MIA2: variants seen among roughly 807,000 people sequenced by gnomAD.
The protein encoded by MIA2 is melanoma inhibitory activity protein 2.
In MIA2, 127 loss-of-function variants were observed where a neutral mutation model predicts 167.8. That is an observed-to-expected ratio of 0.76 (90% CI 0.66 to 0.88). MIA2 has a LOEUF of 0.88. Ranked by LOEUF, MIA2 falls within the 40% of genes least tolerant of loss-of-function variation. The probability of loss-of-function intolerance (pLI) is 0.00; values close to 1 mark genes in which losing one functional copy is unlikely to be tolerated. For synonymous variants in MIA2, 552 were observed against 541.9 expected (o/e 1.02, Z -0.26); for missense variants, 1,690 against 1,624.7 (o/e 1.04, Z -0.69).
At chr14:39,264,248 C>T (rs140920268) in intron 6 of MIA2, among the ~76,000 whole-genome samples, 310 of 152,304 alleles carry the variant, frequency 2.0e-3, no homozygotes, top group African/African-American at 7.1e-3. Context: ...TGGCCTCCAT[C>T]TGCATCCACG....
intron 6 of MIA2, among the ~76,000 whole-genome samples, chr14:39,257,530 T>C (rs969936783): frequency 1.4e-4 from 11 of 80,398 alleles, no homozygotes; most frequent in African/African-American, 5.0e-4. Context: ...GTCTTGACTC[T>C]TTATCCAATT....
chr14:39,356,232 C>G (rs1042345926), downstream of MIA2, among the ~76,000 whole-genome samples: 1 of 152,090 alleles, frequency 6.6e-6, no homozygotes, highest in Admixed American at 6.5e-5. Context: ...AGTTTCAGAG[C>G]CTGTTATTGG....
Position 39,267,288 on chromosome 14 carries a change from C to T in MIA2, c.1888-9646C>T, listed in dbSNP as rs962267847. ...GGATGGGCAGCGTAGGCCTGTGAGG[C>T]CTGCGGGTGCCCCTGTCCCCCAGCT... On this transcript the variant is annotated intron_variant, in intron 6 of 28. Transcript: ENST00000640607. 7 of 1,456,104 alleles carry T rather than the reference C, an allele frequency of 4.8e-6. No homozygotes were observed. The African/African-American group carries it at 5.7e-5, about 12-fold the overall frequency. 90.2% of individuals were successfully genotyped at this position (1,456,104 alleles called of 1,614,324 possible).
Position 39,372,154 on chromosome 14 carries a change from G to C in MIA2, c.2249-14731G>C, listed in dbSNP as rs1199317714. Among the ~76,000 whole-genome samples the C allele has an allele frequency of 7.4e-5, 11 of 149,390 alleles. 2 individuals are homozygous for C. The East Asian group carries it at 1.7e-3, about 24-fold the overall frequency. The stretch of plus-strand genomic sequence containing the variant: ...AATTTCTTATAAGTAGAGGGATTCT[G>C]TTATAAGAATGGAGTACTGTGTAGG... On this transcript the variant is annotated intron_variant, in intron 23 of 23. Transcript: ENST00000341502.
At chr14:39,257,820 C>T (rs988472935) in intron 6 of MIA2, among the ~76,000 whole-genome samples, 7 of 152,146 alleles carry the variant, frequency 4.6e-5, no homozygotes, top group African/African-American at 1.7e-4. Context: ...CTGTAAAGGA[C>T]TTTATTTCTC....
chr14:39,345,006 G>A (rs1483675962), intron 25 of MIA2, among the ~76,000 whole-genome samples: 2 of 152,096 alleles, frequency 1.3e-5, no homozygotes, highest in African/African-American at 2.4e-5. Context: ...GATGTTCTTC[G>A]TTTCAGCAGT....
chr14:39,362,656 A>G (rs1301566209), intron 23 of MIA2, among the ~76,000 whole-genome samples: 1 of 151,500 alleles, frequency 6.6e-6, no homozygotes, highest in African/African-American at 2.4e-5. Context: ...TAATCTTTGT[A>G]TTGTTTTTCT....
At chr14:39,243,707 A>G (rs1481236244) in intron 3 of MIA2, among the ~76,000 whole-genome samples, 1 of 152,140 alleles carries the variant, frequency 6.6e-6, no homozygotes, top group African/African-American at 2.4e-5. Flanking sequence ...CTTTACTAAG[A>G]ATACAAAAAT....
intron 23 of MIA2, among the ~76,000 whole-genome samples, chr14:39,378,768 TTA>T (rs1567060883): frequency 1.3e-5 from 2 of 152,216 alleles, no homozygotes; most frequent in Non-Finnish European, 2.9e-5. Flanking sequence ...TATGAATTTA[TTA>T]TACCAAACAA....
At chr14:39,267,584 A>T in intron 6 of MIA2, 1 of 1,592,718 alleles carries the variant, frequency 6.3e-7, no homozygotes, top group South Asian at 1.1e-5. Context: ...CGGGGGAAGG[A>T]AGCAGTAGAC....
chr14:39,298,413 T>TATATATATATATATATATA (rs2061741128), intron 13 of MIA2, among the ~76,000 whole-genome samples: 1 of 26,138 alleles, frequency 3.8e-5, no homozygotes, highest in Non-Finnish European at 8.1e-5. Context: ...TGATTCTGTT[T>TATATATATATATATATATA]TATATATATA....
intron 23 of MIA2, among the ~76,000 whole-genome samples, chr14:39,377,300 A>G (rs997760682): frequency 7.9e-5 from 12 of 152,038 alleles, no homozygotes; most frequent in African/African-American, 2.4e-4. Context: ...AAGTCCATTC[A>G]TCAGTAGGCA....
chr14:39,247,371 AATTAAATAATGGTG>A lies in MIA2; in HGVS notation c.799_812del (p.Leu267AlafsTer10). The A allele has an allele frequency of 6.2e-7, 1 of 1,614,158 alleles. No homozygotes were observed. The highest frequency in any genetic ancestry group is 8.5e-7 in the Non-Finnish European group (1 of 1,180,018). ...GTGGAAGATGAGAATGACCTAGAGGAATTAAATAATGGTGAGCCTCAAACAGAACATCAGCAAGA... is the reference window on the plus strand; with the variant it reads ...GTGGAAGATGAGAATGACCTAGAGGAAGCCTCAAACAGAACATCAGCAAGA... On this transcript the variant is annotated frameshift_variant, in exon 4 of 29. Transcript: ENST00000640607. LOFTEE classifies it high-confidence loss of function.
chr14:39,298,996 G>A (rs2061945065), intron 13 of MIA2, among the ~76,000 whole-genome samples: 1 of 137,726 alleles, frequency 7.3e-6, no homozygotes, highest in African/African-American at 2.7e-5. Flanking sequence ...GGTGAGGTGA[G>A]AGAATATCTT....
chr14:39,386,869 C>T (rs758663740), intron 23 of MIA2: 12 of 848,232 alleles, frequency 1.4e-5, no homozygotes, highest in African/African-American at 6.7e-5. Flanking sequence ...CTGAGGCGGT[C>T]GTTCTCTCTC....
At chr14:39,350,717 C>T (rs903609881), downstream of MIA2, 1 of 151,316 alleles carries the variant, frequency 6.6e-6, no homozygotes, top group African/African-American at 2.4e-5. Context: ...TAACTTTTTT[C>T]CTTTTACCAA....
chr14:39,355,385 T>A (rs1158110628), downstream of MIA2, among the ~76,000 whole-genome samples: 1 of 152,218 alleles, frequency 6.6e-6, no homozygotes, highest in South Asian at 2.1e-4. Flanking sequence ...ATGCTTGTGA[T>A]TTTTGCACAT....
chr14:39,309,910 A>C (rs2063934471), intron 18 of MIA2, among the ~76,000 whole-genome samples: 1 of 150,870 alleles, frequency 6.6e-6, no homozygotes. Context: ...AGATATCTGA[A>C]GACTCTAGAT....
At chr14:39,305,707 G>C (rs1256229461) in intron 17 of MIA2, among the ~76,000 whole-genome samples, 2 of 152,190 alleles carry the variant, frequency 1.3e-5, no homozygotes, top group Non-Finnish European at 2.9e-5. Flanking sequence ...AGGCCAACGT[G>C]GGTGGATCAC....
Sources: gnomAD v4.1 joint callset for allele counts (sites outside exome capture counted in the v4.1 genomes callset) on GRCh38, gnomAD v4.1.1 for gene constraint, MANE v1.5 for transcripts, NCBI Gene and HGNC (gene_info 2026-07-23, HGNC 2026-07-21) for gene names.